Variants in GAS5 observed in about 807,000 individuals in gnomAD.
GAS5 encodes growth arrest specific 5 (non-protein coding).
intron 1 of GAS5, chr1:173,866,797 C>A: frequency 1.3e-6 from 1 of 765,126 alleles, no homozygotes; most frequent in Admixed American, 1.7e-5. Context: ...GGGGACACAA[C>A]TAGAAAACAA....
At chr1:173,866,166 G>A (rs1654578089) in intron 4 of GAS5, 2 of 468,342 alleles carry the variant, frequency 4.3e-6, no homozygotes, top group Non-Finnish European at 8.6e-6. Context: ...CTTGGATACA[G>A]TTTCACTTAC....
At chr1:173,865,904 A>C in intron 4 of GAS5, 1 of 519,102 alleles carries the variant, frequency 1.9e-6, no homozygotes, top group South Asian at 1.4e-5. Flanking sequence ...CCTAAGAAAT[A>C]AGAGTGGTCT....
At chr1:173,867,864 C>A, upstream of GAS5, 1 of 451,094 alleles carries the variant, frequency 2.2e-6, no homozygotes. Flanking sequence ...CAAAGGCGCG[C>A]GACTGGCTTA....
chr1:173,867,359 A>G (rs78435259), upstream of GAS5: 148 of 369,338 alleles, frequency 4.0e-4, no homozygotes, highest in African/African-American at 3.0e-3. Flanking sequence ...GTCTCTACTA[A>G]AAATATAAAA....
chr1:173,867,561 G>A, upstream of GAS5: 2 of 485,604 alleles, frequency 4.1e-6, no homozygotes, highest in East Asian at 5.6e-5. Flanking sequence ...ACTGCGGAAT[G>A]CAGGCACTTA....
upstream of GAS5, chr1:173,867,921 C>A (rs1655068539): frequency 2.7e-6 from 1 of 366,068 alleles, no homozygotes; most frequent in Non-Finnish European, 5.4e-6. Context: ...AAGGCTGGAG[C>A]GCCCCAAAAC....
At chr1:173,864,669 A>G (rs1372274642) in intron 6 of GAS5, 1 of 411,350 alleles carries the variant, frequency 2.4e-6, no homozygotes, top group Non-Finnish European at 4.8e-6. Flanking sequence ...CAAAGTTTAA[A>G]CTAACCTGCA....
chr1:173,865,944 C>G, intron 4 of GAS5: 1 of 519,216 alleles, frequency 1.9e-6, no homozygotes, highest in East Asian at 5.4e-5. Flanking sequence ...TGTTCACCCC[C>G]TGCCAAAACT....
At chr1:173,864,752 G>A (rs1375882472) in intron 6 of GAS5, 1 of 511,362 alleles carries the variant, frequency 2.0e-6, no homozygotes, top group African/African-American at 1.9e-5. Flanking sequence ...ATACAATTAG[G>A]AGTAATCCAA....
At chr1:173,866,822 AAC>A in intron 1 of GAS5, 3 of 765,426 alleles carry the variant, frequency 3.9e-6, no homozygotes, top group Non-Finnish European at 7.2e-6. Context: ...ATGCAAGCAA[AAC>A]AGTGAGAATG....
chr1:173,864,065 G>A (rs994207483), intron 7 of GAS5: 2 of 446,068 alleles, frequency 4.5e-6, no homozygotes. Context: ...TAGCTTGGGT[G>A]AGGCAAGACC....
At chr1:173,866,422 T>C (rs1654655117) in intron 3 of GAS5, 4 of 581,522 alleles carry the variant, frequency 6.9e-6, no homozygotes, top group African/African-American at 1.8e-5. Flanking sequence ...AGAGCAAAAT[T>C]CTCATTTGAA....
intron 6 of GAS5, chr1:173,864,971 C>A (rs557731158): frequency 2.0e-6 from 1 of 507,384 alleles, no homozygotes; most frequent in East Asian, 5.5e-5. Flanking sequence ...GTAATCCCAG[C>A]ACTTTGGGAG....
chr1:173,867,316 T>TC (rs935457198), upstream of GAS5: 6 of 444,904 alleles, frequency 1.3e-5, no homozygotes, highest in Admixed American at 2.3e-4. Flanking sequence ...GGTCAGGAGT[T>TC]CAAGACCAGT....
chr1:173,866,994 T>G (rs1654816883), exon 1 of GAS5: 1 of 765,386 alleles, frequency 1.3e-6, no homozygotes, highest in African/African-American at 1.7e-5. Flanking sequence ...TTCTTACCTG[T>G]CCATAAGGTG....
intron 6 of GAS5, chr1:173,865,099 T>C: frequency 5.8e-6 from 2 of 345,204 alleles, no homozygotes; most frequent in South Asian, 2.3e-5. Context: ...CTCAAGAGGC[T>C]GAGGCAGGAG....
intron 5 of GAS5, chr1:173,865,648 G>A: frequency 1.9e-6 from 1 of 519,186 alleles, no homozygotes; most frequent in South Asian, 1.4e-5. Flanking sequence ...TTGTCTACAT[G>A]CTCATTTCAG....
chr1:173,867,969 G>C (rs771338019), upstream of GAS5: 10 of 337,586 alleles, frequency 3.0e-5, no homozygotes, highest in Non-Finnish European at 5.3e-5. Context: ...CCTCACAGGA[G>C]TCGACTCCTA....
intron 5 of GAS5, chr1:173,865,766 A>G (rs1275047310): frequency 1.9e-6 from 1 of 518,754 alleles, no homozygotes; most frequent in Non-Finnish European, 3.9e-6. Flanking sequence ...GTCAGTATTC[A>G]TCAGCCAAGC....
Sources: allele counts gnomAD v4.1 joint callset, GRCh38; gene constraint gnomAD v4.1.1; transcripts MANE v1.5; gene names NCBI Gene and HGNC (gene_info 2026-07-23, HGNC 2026-07-21).